Variants in PTPRT observed in about 807,000 individuals in gnomAD.
The protein encoded by PTPRT is receptor-type tyrosine-protein phosphatase T.
PTPRT carries 56 observed loss-of-function variants against 176.8 expected under a neutral mutation model. That is an observed-to-expected ratio of 0.32 (90% CI 0.26 to 0.40). PTPRT has a LOEUF of 0.40. Ranked by LOEUF, PTPRT falls within the 10% of genes least tolerant of loss-of-function variation. The pLI is 1.00. For synonymous variants in PTPRT, 783 were observed against 739.0 expected (o/e 1.06, Z -0.96); for missense variants, 1,540 against 1,908.2 (o/e 0.81, Z 3.60).
At chr20:42,890,216 C>T (rs1568663076) in intron 1 of PTPRT, among the ~76,000 whole-genome samples, 1 of 152,192 alleles carries the variant, frequency 6.6e-6, no homozygotes, top group Non-Finnish European at 1.5e-5. Flanking sequence ...AGTCTGGATA[C>T]CCACTCCCTA....
chr20:42,990,579 T>A (rs953176513), intron 1 of PTPRT, among the ~76,000 whole-genome samples: 2 of 152,292 alleles, frequency 1.3e-5, no homozygotes, highest in African/African-American at 4.8e-5. Context: ...TATCTCTCAC[T>A]GACACTCTCA....
At chr20:42,276,499 ATATATAT>A (rs2057033381) in intron 13 of PTPRT, among the ~76,000 whole-genome samples, 1 of 2,832 alleles carries the variant, frequency 3.5e-4, no homozygotes, top group Non-Finnish European at 6.5e-4. Context: ...AGAAGGAAAT[ATATATAT>A]ATATATATAT....
chr20:43,181,307 G>A (rs1228575524), intron 1 of PTPRT, among the ~76,000 whole-genome samples: 1 of 152,188 alleles, frequency 6.6e-6, no homozygotes, highest in Admixed American at 6.5e-5. Flanking sequence ...AGACGATAAA[G>A]CCACTGCATT....
At chr20:42,050,772 G>A in the PTPRT span, among the ~76,000 whole-genome samples, 1 of 152,222 alleles carries the variant, frequency 6.6e-6, no homozygotes, top group Non-Finnish European at 1.5e-5. Context: ...AGTGAAGTTG[G>A]AGGCTGACTC....
At chr20:42,481,293 T>A (rs2071380476) in intron 7 of PTPRT, among the ~76,000 whole-genome samples, 1 of 152,140 alleles carries the variant, frequency 6.6e-6, no homozygotes, top group African/African-American at 2.4e-5. Flanking sequence ...ATCCTCCTAA[T>A]CTCATGGCTA....
At chr20:42,211,499 C>T (rs2055627960) in intron 15 of PTPRT, among the ~76,000 whole-genome samples, 2 of 150,592 alleles carry the variant, frequency 1.3e-5, no homozygotes, top group Admixed American at 1.3e-4. Flanking sequence ...CATGAACAGA[C>T]ACTTCTCAAA....
chr20:42,468,626 T>C (rs2071140137), intron 8 of PTPRT, among the ~76,000 whole-genome samples: 1 of 152,238 alleles, frequency 6.6e-6, no homozygotes, highest in African/African-American at 2.4e-5. Flanking sequence ...AAGGCTTTTT[T>C]TTCTTGGTGA....
At chr20:42,125,510 C>A (rs1212633381) in intron 19 of PTPRT, among the ~76,000 whole-genome samples, 1 of 152,138 alleles carries the variant, frequency 6.6e-6, no homozygotes, top group African/African-American at 2.4e-5. Context: ...GCCCTGTCTG[C>A]CTAACCTATT....
At chr20:42,404,257 C>G (rs1214589539) in intron 9 of PTPRT, among the ~76,000 whole-genome samples, 1 of 152,094 alleles carries the variant, frequency 6.6e-6, no homozygotes, top group African/African-American at 2.4e-5. Flanking sequence ...TGTGTGGAAT[C>G]CATCACTCTC....
At chr20:43,148,634 T>C (rs1036765924) in intron 1 of PTPRT, among the ~76,000 whole-genome samples, 3 of 152,222 alleles carry the variant, frequency 2.0e-5, no homozygotes, top group Non-Finnish European at 4.4e-5. Flanking sequence ...TCCCATCCAG[T>C]GGGTCATTGC....
At chr20:42,815,790 A>C (rs1431448609) in intron 2 of PTPRT, among the ~76,000 whole-genome samples, 1 of 152,154 alleles carries the variant, frequency 6.6e-6, no homozygotes, top group African/African-American at 2.4e-5. Flanking sequence ...CTGGGGAGAA[A>C]TGTCACCATA....
At chr20:42,790,421 A>G (rs562013180) in intron 3 of PTPRT, among the ~76,000 whole-genome samples, 32 of 150,692 alleles carry the variant, frequency 2.1e-4, no homozygotes, top group African/African-American at 7.8e-4. Context: ...TTTTTTTACC[A>G]TGGTTTATAA....
intron 2 of PTPRT, among the ~76,000 whole-genome samples, chr20:42,835,009 T>C (rs1053466677): frequency 1.3e-5 from 2 of 152,164 alleles, no homozygotes; most frequent in Non-Finnish European, 1.5e-5. Flanking sequence ...AGCTCCTATA[T>C]ACCATGCTCT....
chr20:42,336,534 G>A lies in PTPRT; in HGVS notation c.1865+14094C>T, dbSNP rs73906910. 4.8e-3 allele frequency among the ~76,000 whole-genome samples: 731 copies of A among 152,232 alleles called. 5 individuals carry two copies. The highest frequency in any genetic ancestry group is 0.017 in the African/African-American group (696 of 41,548). ...ATTTTTTAATTAAAGAATGAAAAAG[G>A]TTAATGTATATGAATTGGCTGTCAG... is the stretch of plus-strand genomic sequence containing the variant. On this transcript the variant is annotated intron_variant, in intron 11 of 30. Transcript: ENST00000373187.
At chr20:43,157,863 A>T (rs1451748267) in intron 1 of PTPRT, among the ~76,000 whole-genome samples, 2 of 152,158 alleles carry the variant, frequency 1.3e-5, no homozygotes, top group Non-Finnish European at 2.9e-5. Flanking sequence ...TGGAGCATGC[A>T]TGGGTTACAG....
At position 42,560,979 on chromosome 20, in the gene PTPRT, C is replaced by A. The variant is rs180972610; in HGVS notation, c.1154-88417G>T. Among the ~76,000 whole-genome samples the A allele has an allele frequency of 3.4e-3, 518 of 152,266 alleles. 8 individuals carry two copies. Among genetic ancestry groups the A allele is most frequent in the African/African-American group, 0.012 (499 of 41,570 alleles). ...TATAATGACTCTTCCTGTCTGTGGG[C>A]TACTTCCTCCTGGGGAACAGAAGGT... is the stretch of plus-strand genomic sequence containing the variant. On this transcript the variant is annotated intron_variant, in intron 7 of 30. Transcript: ENST00000373187.
intron 2 of PTPRT, 103 bp downstream of exon 2, chr20:42,885,704 T>C: frequency 7.0e-7 from 1 of 1,431,752 alleles, no homozygotes; most frequent in Non-Finnish European, 9.5e-7. Context: ...AGCTATCGAT[T>C]GCCATCTCAG....
At position 42,549,794 on chromosome 20, in the gene PTPRT, T is replaced by A. The variant is rs1357275068; in HGVS notation, c.1154-77232A>T. On this transcript the variant is annotated intron_variant, in intron 7 of 30. Coordinates refer to ENST00000373187, the MANE Select transcript of PTPRT (RefSeq NM_007050.6). ...CCAGCTGCGACAACACTGCCTTATT[T>A]CCCATTGATCAGACACACCTAGGGC... is the stretch of plus-strand genomic sequence containing the variant. 2.0e-5 allele frequency among the ~76,000 whole-genome samples: 3 copies of A among 152,216 alleles called. No homozygotes were observed. The South Asian group carries it at 6.2e-4, about 32-fold the overall frequency.
chr20:43,076,659 ACCACCCATTACCC>A (rs1269391261), intron 1 of PTPRT, among the ~76,000 whole-genome samples: 2 of 152,106 alleles, frequency 1.3e-5, no homozygotes, highest in Admixed American at 6.6e-5. Flanking sequence ...AAAAGTCCAT[ACCACCCATTACCC>A]CCACCTCTAC....
Sources: gnomAD v4.1 joint callset for allele counts (sites outside exome capture counted in the v4.1 genomes callset) on GRCh38, gnomAD v4.1.1 for gene constraint, MANE v1.5 for transcripts, NCBI Gene and HGNC (gene_info 2026-07-23, HGNC 2026-07-21) for gene names.